Variants in TTLL6 observed in about 807,000 individuals in gnomAD.
The protein encoded by TTLL6 is tubulin tyrosine ligase like 6, also known as tubulin polyglutamylase TTLL6.
In TTLL6, 75 loss-of-function variants were observed where a neutral mutation model predicts 96.4. The observed-to-expected ratio is 0.78, with a 90% CI of 0.65 to 0.94. The LOEUF is 0.94. Among genes scored for constraint, TTLL6 ranks in the 40% least tolerant of loss-of-function variants. TTLL6 has a pLI of 0.00. For synonymous variants in TTLL6, 411 were observed against 419.4 expected (o/e 0.98, Z 0.24); for missense variants, 1,030 against 1,093.0 (o/e 0.94, Z 0.81).
At chr17:48,804,074 G>T in intron 2 of TTLL6, 146 bp from the exon 3 acceptor site, 1 of 816,978 alleles carries the variant, frequency 1.2e-6, no homozygotes. Context: ...CCCTGTTGCT[G>T]AGGACACGAG....
chr17:48,808,099 A>G (rs1481028977), intron 1 of TTLL6, among the ~76,000 whole-genome samples: 2 of 152,050 alleles, frequency 1.3e-5, no homozygotes, highest in Non-Finnish European at 2.9e-5. Context: ...CGGCCTCCCA[A>G]AGTGCTGGGA....
chr17:48,791,929 C>T (rs2039233793), intron 8 of TTLL6, among the ~76,000 whole-genome samples: 1 of 152,158 alleles, frequency 6.6e-6, no homozygotes, highest in Admixed American at 6.5e-5. Context: ...CCCCCTGACA[C>T]CATGGTTTTA....
At chr17:48,770,248 C>T in intron 13 of TTLL6, 151 bp from the exon 14 acceptor site, 1 of 1,098,394 alleles carries the variant, frequency 9.1e-7, no homozygotes, top group Non-Finnish European at 1.3e-6. Context: ...CCTGCCTCAG[C>T]CTCCTGAGTA....
chr17:48,788,087 GC>G (rs777139264), intron 10 of TTLL6, 88 bp from the exon 11 acceptor site: 78 of 1,231,826 alleles, frequency 6.3e-5, no homozygotes, highest in Non-Finnish European at 8.2e-5. Context: ...GTCGTCTAGG[GC>G]CAGATGGAGG....
intron 13 of TTLL6, among the ~76,000 whole-genome samples, chr17:48,784,372 C>T (rs1406461800): frequency 6.6e-6 from 1 of 151,720 alleles, no homozygotes; most frequent in Non-Finnish European, 1.5e-5. Context: ...ACCACTGCAC[C>T]CCAGCCTAGG....
rs1433555682 is a variant in TTLL6 at position 48,786,285 on chromosome 17, A to C, written c.1640T>G (p.Met547Arg). 4 of 1,614,000 alleles carry C rather than the reference A, an allele frequency of 2.5e-6. No homozygotes were observed. The highest frequency in any genetic ancestry group is 3.4e-6 in the Non-Finnish European group (4 of 1,180,016). ...CCCCTGCATCTCTACCTTCTTCTTCATTTGGAAGGGCTTTTTCTCCCGTTT... is the reference window on the plus strand; with the variant it reads ...CCCCTGCATCTCTACCTTCTTCTTCCTTTGGAAGGGCTTTTTCTCCCGTTT... ...RLKREKKPFQ[M>R]KKKVEMQGES... The change falls in exon 12 of 16, where the codon ATG (methionine) becomes AGG (arginine). Residue 547 changes from methionine to arginine, a missense_variant. Coordinates refer to ENST00000393382, the MANE Select transcript of TTLL6 (RefSeq NM_001130918.3).
chr17:48,798,238 A>G (rs1431719140), intron 6 of TTLL6, among the ~76,000 whole-genome samples: 2 of 152,132 alleles, frequency 1.3e-5, no homozygotes, highest in Admixed American at 1.3e-4. Flanking sequence ...CCTCAGCAAC[A>G]TAGAGACTCT....
At chr17:48,807,679 CTT>C (rs1438278508) in intron 1 of TTLL6, among the ~76,000 whole-genome samples, 11 of 149,378 alleles carry the variant, frequency 7.4e-5, no homozygotes, top group Non-Finnish European at 1.5e-4. Context: ...ACCCGGCTAA[CTT>C]TTATATTTTT....
chr17:48,802,080 A>G (rs369326576), intron 3 of TTLL6, among the ~76,000 whole-genome samples: 5 of 1,400 alleles, frequency 3.6e-3, no homozygotes, highest in African/African-American at 7.6e-3. Context: ...AAGAAAGAAA[A>G]AGAAAGAAAG....
chr17:48,781,059 T>C (rs996454036), intron 13 of TTLL6, among the ~76,000 whole-genome samples: 2 of 151,992 alleles, frequency 1.3e-5, no homozygotes, highest in African/African-American at 4.8e-5. Context: ...TAATTTTTTT[T>C]TTTTTTAGAC....
rs527685554 is a variant in TTLL6, at chr17:48,799,773, G to A, written c.612-13C>T. The A allele has an allele frequency of 1.2e-5, 18 of 1,550,898 alleles. No individual in the cohort carries two copies. In the African/African-American group the frequency reaches 1.8e-4, roughly 15 times the overall value. Reference sequence around the variant, plus strand: ...CAAATCTCCCCAGCTACCAGAGCAGGGAGGGAACAAGATACATCTTTAGCT... The same window carrying A: ...CAAATCTCCCCAGCTACCAGAGCAGAGAGGGAACAAGATACATCTTTAGCT... On this transcript the variant is annotated splice_polypyrimidine_tract_variant and intron_variant, in intron 5 of 15. Coordinates refer to ENST00000393382, the MANE Select transcript of TTLL6 (RefSeq NM_001130918.3).
At chr17:48,769,349 T>C in intron 14 of TTLL6, 95 bp from the exon 15 acceptor site, 1 of 1,406,372 alleles carries the variant, frequency 7.1e-7, no homozygotes, top group Non-Finnish European at 9.6e-7. Flanking sequence ...TCCCATGGCC[T>C]GTAACTGCCA....
chr17:48,796,929 T>C, intron 7 of TTLL6, 132 bp downstream of exon 7: 2 of 1,089,440 alleles, frequency 1.8e-6, no homozygotes, highest in Non-Finnish European at 2.6e-6. Flanking sequence ...CAGCGCTAAA[T>C]GAAACCCGGC....
intron 1 of TTLL6, among the ~76,000 whole-genome samples, chr17:48,811,114 G>C (rs1192517036): frequency 2.1e-5 from 3 of 146,254 alleles, no homozygotes; most frequent in Non-Finnish European, 4.5e-5. Flanking sequence ...CGTCACACAG[G>C]CTAGAGTGCA....
intron 14 of TTLL6, 145 bp downstream of exon 14, chr17:48,769,583 G>T: frequency 1.0e-6 from 1 of 1,001,680 alleles, no homozygotes; most frequent in Non-Finnish European, 1.5e-6. Context: ...TATGGACTGT[G>T]TCTCCACCAT....
chr17:48,791,205 C>T (rs1208331613), intron 9 of TTLL6, among the ~76,000 whole-genome samples, 173 bp downstream of exon 9: 1 of 152,156 alleles, frequency 6.6e-6, no homozygotes, highest in Non-Finnish European at 1.5e-5. Flanking sequence ...GCTGTCTACC[C>T]CCCTCTGGTG....
intron 15 of TTLL6, among the ~76,000 whole-genome samples, chr17:48,766,810 G>A (rs958057463): frequency 6.6e-6 from 1 of 152,208 alleles, no homozygotes; most frequent in Non-Finnish European, 1.5e-5. Context: ...GAGCTCCTTA[G>A]GGATCAGAGT....
chr17:48,795,329 G>GA lies in TTLL6; in HGVS notation c.998+731dup, dbSNP rs796848295. The stretch of plus-strand genomic sequence containing the variant: ...GACAGAGCAAGACTCAGTCTCAAAA[G>GA]AAAAAAAAAAAAAAGAAAAGAAAAG... On this transcript the variant is annotated intron_variant, in intron 8 of 15. Transcript: ENST00000393382. Among the ~76,000 whole-genome samples, 347 of 73,308 alleles carry GA rather than the reference G, an allele frequency of 4.7e-3. 1 individual carries two copies. Among genetic ancestry groups the GA allele is most frequent in the African/African-American group, 0.011 (206 of 19,274 alleles). 48.1% of individuals were successfully genotyped at this position (73,308 alleles called of 152,430 possible).
intron 1 of TTLL6, among the ~76,000 whole-genome samples, chr17:48,814,856 C>G (rs888192927): frequency 3.9e-5 from 6 of 152,144 alleles, no homozygotes; most frequent in African/African-American, 1.2e-4. Context: ...CTCAGCTCAC[C>G]GCAACCTCTG....
Sources: gnomAD v4.1 joint callset for allele counts (sites outside exome capture counted in the v4.1 genomes callset) on GRCh38, gnomAD v4.1.1 for gene constraint, MANE v1.5 for transcripts, NCBI Gene and HGNC (gene_info 2026-07-23, HGNC 2026-07-21) for gene names.